Variants in TMEM255A observed in about 807,000 individuals in gnomAD.
The protein encoded by TMEM255A is family with sequence similarity 70, member A.
A neutral mutation model predicts 23.5 loss-of-function variants in TMEM255A; 14 were observed. That is an observed-to-expected ratio of 0.60 (90% CI 0.39 to 0.93). The LOEUF is 0.93. Among genes scored for constraint, TMEM255A ranks in the 40% least tolerant of loss-of-function variants. TMEM255A has a pLI of 0.00. For missense variants in TMEM255A, 233 were observed against 261.7 expected (o/e 0.89, Z 0.76); for synonymous variants, 104 against 100.3 (o/e 1.04, Z -0.22).
Position 120,311,384 on chromosome X carries a change from T to C in TMEM255A, c.-75A>G. 3.4e-6 allele frequency: 3 copies of C among 890,647 alleles called. No homozygotes were observed. Among genetic ancestry groups the C allele is most frequent in the Non-Finnish European group, 4.8e-6 (3 of 620,934 alleles). 73.4% of individuals were successfully genotyped at this position (890,647 alleles called of 1,213,427 possible). On this transcript the variant is annotated 5_prime_UTR_variant, in exon 1 of 9. It removes an upstream start codon present in the reference 5' UTR. Transcript: ENST00000371369. ...CCGGCTCTGGGCGCCCCGCAGAGCA[T>C]CCTACTCCGCGGTTGCCTCTCTCGG...
intron 2 of TMEM255A, among the ~76,000 whole-genome samples, chrX:120,300,516 T>A (rs2058026460): frequency 9.3e-6 from 1 of 107,245 alleles, no homozygotes; most frequent in African/African-American, 3.4e-5. Context: ...GCCTCCCACG[T>A]AACTGGGACT....
At chrX:120,276,788 C>G in intron 7 of TMEM255A, 97 bp downstream of exon 7, 2 of 915,248 alleles carry the variant, frequency 2.2e-6, no homozygotes, top group Admixed American at 5.8e-5. Flanking sequence ...CTGATTCTTC[C>G]CTTCAAAATA....
intron 8 of TMEM255A, among the ~76,000 whole-genome samples, chrX:120,262,263 T>G: frequency 9.0e-6 from 1 of 111,690 alleles, no homozygotes; most frequent in South Asian, 3.8e-4. Context: ...GCACTCCAGC[T>G]TGGGTGACAG....
At chrX:120,291,182 C>CGAATGTGTGAATG in intron 4 of TMEM255A, 69 bp downstream of exon 4, 1 of 842,150 alleles carries the variant, frequency 1.2e-6, no homozygotes, top group Non-Finnish European at 1.7e-6. Flanking sequence ...GACTGAACAT[C>CGAATGTGTGAATG]GAGCACACAT....
chrX:120,262,291 AAAAT>A (rs781784135), intron 8 of TMEM255A, among the ~76,000 whole-genome samples: 44 of 111,376 alleles, frequency 4.0e-4, no homozygotes, highest in East Asian at 1.4e-3. Flanking sequence ...CTCCGTCTCG[AAAAT>A]AAATAAATAA....
In TMEM255A at chrX:120,258,749, A is replaced by C. The variant is rs1486373066; in HGVS notation, c.*2121T>G. The C allele has an allele frequency of 2.7e-5, 3 of 112,657 alleles. No homozygotes were observed. The highest frequency in any genetic ancestry group is 9.7e-5 in the African/African-American group (3 of 30,937). The allele number at this position is 112,657 out of a possible 1,213,427, so 9.3% of individuals were successfully genotyped here. ...AGATTTTAAGCAACATCCAGTTTAT[A>C]CAGTTTCTGGATTAATATTTTAATG... On this transcript the variant is annotated 3_prime_UTR_variant, in exon 9 of 9. Coordinates refer to ENST00000371369, the MANE Select transcript of TMEM255A (RefSeq NM_001104544.3).
chrX:120,267,910 A>C, intron 8 of TMEM255A, among the ~76,000 whole-genome samples: 1 of 111,261 alleles, frequency 9.0e-6, no homozygotes, highest in East Asian at 2.8e-4. Context: ...ATGGTAGTGT[A>C]CTAATGAGCT....
chrX:120,304,765 C>T (rs995159911), intron 1 of TMEM255A, among the ~76,000 whole-genome samples: 4 of 111,547 alleles, frequency 3.6e-5, no homozygotes, highest in Admixed American at 2.8e-4. Context: ...AATTTTTGTG[C>T]TCCTGGCACT....
the TMEM255A span, among the ~76,000 whole-genome samples, chrX:120,252,218 G>A: frequency 9.0e-6 from 1 of 111,142 alleles, no homozygotes; most frequent in Non-Finnish European, 1.9e-5. Flanking sequence ...TTGTGACATC[G>A]ACACCCTTTT....
At chrX:120,275,783 C>CTTTTTTTTTTTTTTTT (rs2057792933) in intron 7 of TMEM255A, among the ~76,000 whole-genome samples, 1 of 64,966 alleles carries the variant, frequency 1.5e-5, no homozygotes, top group Non-Finnish European at 2.8e-5. Flanking sequence ...GGAGCCCAAG[C>CTTTTTTTTTTTTTTTT]ATTTTTTTTT....
chrX:120,286,661 C>G (rs1159813881), intron 5 of TMEM255A, among the ~76,000 whole-genome samples: 1 of 111,889 alleles, frequency 8.9e-6, no homozygotes, highest in Non-Finnish European at 1.9e-5. Flanking sequence ...CCCAGCCTCC[C>G]CAGAGCATAA....
chrX:120,305,679 G>A (rs1466657472), intron 1 of TMEM255A, among the ~76,000 whole-genome samples: 1 of 109,294 alleles, frequency 9.1e-6, no homozygotes, highest in East Asian at 2.9e-4. Flanking sequence ...GGAGGGGAGA[G>A]GGGATAGAGG....
chrX:120,286,889 T>C (rs782689777), intron 5 of TMEM255A, among the ~76,000 whole-genome samples: 14 of 110,887 alleles, frequency 1.3e-4, no homozygotes, highest in African/African-American at 4.6e-4. Context: ...CCCCTGAGGA[T>C]CAAAGCCACA....
At chrX:120,261,804 C>T (rs989805163) in intron 8 of TMEM255A, among the ~76,000 whole-genome samples, 1 of 111,479 alleles carries the variant, frequency 9.0e-6, no homozygotes, top group Non-Finnish European at 1.9e-5. Context: ...TCATTTGCCC[C>T]TTTCTCTCCC....
chrX:120,270,762 T>C (rs2057753498), intron 7 of TMEM255A, among the ~76,000 whole-genome samples: 1 of 110,449 alleles, frequency 9.1e-6, no homozygotes, highest in Non-Finnish European at 1.9e-5. Context: ...TCGGCTCCTG[T>C]CCTCACTCTC....
chrX:120,296,892 G>A (rs372562570), intron 2 of TMEM255A, among the ~76,000 whole-genome samples: 3 of 4,080 alleles, frequency 7.4e-4, no homozygotes, highest in African/African-American at 1.7e-3. Context: ...TATTATATAT[G>A]ATATATATAA....
chrX:120,299,214 G>C (rs1219879587), intron 2 of TMEM255A, among the ~76,000 whole-genome samples: 1 of 112,012 alleles, frequency 8.9e-6, no homozygotes, highest in East Asian at 2.8e-4. Context: ...TGCAAACAAG[G>C]CTCACTCTAG....
Position 120,311,323 on chromosome X carries a change from C to G in TMEM255A, c.-14G>C. ...GGACTGATGCATGGTGAAAACTGCC[C>G]GGTTGCCCCAGTCCCCGAAGCTGCT... On this transcript the variant is annotated 5_prime_UTR_variant, in exon 1 of 9. Coordinates refer to ENST00000371369, the MANE Select transcript of TMEM255A (RefSeq NM_001104544.3). The G allele has an allele frequency of 8.5e-7, 1 of 1,170,074 alleles. No homozygotes were observed. Among genetic ancestry groups the G allele is most frequent in the Non-Finnish European group, 1.1e-6 (1 of 872,717 alleles).
At position 120,304,388 on chromosome X, in the gene TMEM255A, G is replaced by A. The variant is rs782265260; in HGVS notation, c.162C>T (p.Thr54=). The A allele has an allele frequency of 1.9e-5, 23 of 1,208,720 alleles. No homozygotes were observed. Among genetic ancestry groups the A allele is most frequent in the South Asian group, 3.5e-5 (2 of 56,576 alleles). The change falls in exon 2 of 9, where the codon ACC becomes ACT. Residue 54 remains threonine (T), a synonymous_variant. Transcript: ENST00000371369. ...AATAACCTCCTACAGTCACATTCTG[G>A]GTCCTGGTGGTTGCAGCAAGGCCCA... is the stretch of plus-strand genomic sequence containing the variant. ...LTVGLAATTR[T]QNVTVGGYYP...
Sources: gnomAD v4.1 joint callset for allele counts (sites outside exome capture counted in the v4.1 genomes callset) on GRCh38, gnomAD v4.1.1 for gene constraint, MANE v1.5 for transcripts, NCBI Gene and HGNC (gene_info 2026-07-23, HGNC 2026-07-21) for gene names.